Variants in ERP44 observed in about 807,000 individuals in gnomAD.
The protein encoded by ERP44 is endoplasmic reticulum protein 44.
Under a neutral mutation model 53.4 loss-of-function variants are expected in ERP44, and 25 were observed. The ratio of observed to expected loss-of-function variants is 0.47; its 90% CI spans 0.34 to 0.65. The LOEUF is 0.65. Ranked by LOEUF, ERP44 falls within the 30% of genes least tolerant of loss-of-function variation. ERP44 has a pLI of 0.01. For synonymous variants in ERP44, 145 were observed against 161.2 expected (o/e 0.90, Z 0.76); for missense variants, 338 against 493.2 (o/e 0.69, Z 2.98).
chr9:100,063,669 A>G (rs1826180173), intron 1 of ERP44, among the ~76,000 whole-genome samples: 1 of 152,132 alleles, frequency 6.6e-6, no homozygotes, highest in South Asian at 2.1e-4. Flanking sequence ...GGAAATTTTC[A>G]TAGATCTTAA....
intron 1 of ERP44, among the ~76,000 whole-genome samples, chr9:100,065,753 G>A (rs1403143406): frequency 6.6e-6 from 1 of 152,134 alleles, no homozygotes; most frequent in East Asian, 1.9e-4. Context: ...ATTCAGTCAT[G>A]AAAATAAATG....
intron 1 of ERP44, among the ~76,000 whole-genome samples, chr9:100,076,458 T>C (rs1256496779): frequency 6.6e-6 from 1 of 152,176 alleles, no homozygotes; most frequent in East Asian, 1.9e-4. Flanking sequence ...CTGCATGATA[T>C]GCAGGCACCA....
At chr9:100,094,058 C>T (rs1462781829) in intron 1 of ERP44, among the ~76,000 whole-genome samples, 1 of 152,164 alleles carries the variant, frequency 6.6e-6, no homozygotes, top group Non-Finnish European at 1.5e-5. Flanking sequence ...GATACACTAT[C>T]AAAATTACGT....
At chr9:100,030,144 T>C (rs2118669572) in intron 4 of ERP44, among the ~76,000 whole-genome samples, 1 of 152,300 alleles carries the variant, frequency 6.6e-6, no homozygotes, top group East Asian at 1.9e-4. Flanking sequence ...AACTCAGGGC[T>C]GCTCTGCCTA....
chr9:99,996,616 T>A (rs1313987698), intron 10 of ERP44, among the ~76,000 whole-genome samples: 1 of 152,142 alleles, frequency 6.6e-6, no homozygotes, highest in Non-Finnish European at 1.5e-5. Flanking sequence ...TGTGAGATTT[T>A]GGTGCACCCA....
chr9:99,996,995 A>ATG (rs756059943), intron 10 of ERP44, among the ~76,000 whole-genome samples: 2 of 132,736 alleles, frequency 1.5e-5, no homozygotes, highest in Non-Finnish European at 3.3e-5. Flanking sequence ...ATGTGTGTGT[A>ATG]TATATATATA....
rs989874420 is a variant in ERP44, at chr9:99,980,216, T to C, written c.*2396A>G. Reference sequence around the variant, plus strand: ...TACATCTATAACACGTTACAGTCATTGTTTACATATCCATATGCCTGACTA... The same window carrying C: ...TACATCTATAACACGTTACAGTCATCGTTTACATATCCATATGCCTGACTA... On this transcript the variant is annotated 3_prime_UTR_variant, in exon 12 of 12. Transcript: ENST00000262455. 1 of 396,342 alleles carries C rather than the reference T, an allele frequency of 2.5e-6. No individual in the cohort carries two copies. Among genetic ancestry groups the C allele is most frequent in the African/African-American group, 2.1e-5 (1 of 48,710 alleles). 24.6% of individuals were successfully genotyped at this position (396,342 alleles called of 1,614,324 possible).
At chr9:99,997,705 G>A (rs766201459) in intron 10 of ERP44, among the ~76,000 whole-genome samples, 2 of 151,820 alleles carry the variant, frequency 1.3e-5, no homozygotes, top group Non-Finnish European at 2.9e-5. Context: ...ATTTTCATCC[G>A]GTCAGTGGCA....
chr9:100,022,255 C>T, intron 4 of ERP44, 29 bp from the exon 5 acceptor site: 1 of 1,588,892 alleles, frequency 6.3e-7, no homozygotes, highest in Non-Finnish European at 8.6e-7. Context: ...ATTATTTACC[C>T]TCATATGTAG....
rs190910172 is a variant in ERP44 at position 100,079,685 on chromosome 9, A to C, written c.57+19099T>G. On this transcript the variant is annotated intron_variant, in intron 1 of 11. Coordinates refer to ENST00000262455, the MANE Select transcript of ERP44 (RefSeq NM_015051.3). ...AGGCCAGGAGCAGTGGCTCATGCCT[A>C]TAATCCCAGCACTGCAGAGGCAGGA... 3.3e-5 allele frequency among the ~76,000 whole-genome samples: 5 copies of C among 152,244 alleles called. No homozygotes were observed. In the East Asian group the frequency reaches 5.8e-4, roughly 18 times the overall value.
chr9:100,036,357 G>A (rs1487904549), intron 4 of ERP44, among the ~76,000 whole-genome samples: 1 of 152,214 alleles, frequency 6.6e-6, no homozygotes, highest in Non-Finnish European at 1.5e-5. Context: ...CCTGGATGCA[G>A]CTGGAGGCCA....
intron 1 of ERP44, among the ~76,000 whole-genome samples, chr9:100,098,375 G>A (rs898792180): frequency 2.6e-5 from 4 of 152,182 alleles, no homozygotes; most frequent in Non-Finnish European, 5.9e-5. Context: ...CCCAGTGAGA[G>A]TCACACAACC....
chr9:100,084,878 G>A (rs935723677), intron 1 of ERP44, among the ~76,000 whole-genome samples: 12 of 152,130 alleles, frequency 7.9e-5, no homozygotes, highest in Non-Finnish European at 1.6e-4. Context: ...GTAGAAAGGG[G>A]TATTCCCCAA....
At chr9:100,014,839 G>A (rs1830512718) in intron 8 of ERP44, among the ~76,000 whole-genome samples, 1 of 152,122 alleles carries the variant, frequency 6.6e-6, no homozygotes, top group Non-Finnish European at 1.5e-5. Context: ...CTTAGTTTGG[G>A]CTGCTATATT....
chr9:99,995,920 C>CTT lies in ERP44; in HGVS notation c.1016+10584_1016+10585dup, dbSNP rs34632626. On this transcript the variant is annotated intron_variant, in intron 10 of 11. Transcript: ENST00000262455. ...GGGATTGCTGGATCATAGGGTAGTTCTTTTTTTTTTTTTTTTTTTTTATTT... is the reference window on the plus strand; with the variant it reads ...GGGATTGCTGGATCATAGGGTAGTTCTTTTTTTTTTTTTTTTTTTTTTTATTT... Among the ~76,000 whole-genome samples the CTT allele has an allele frequency of 5.8e-4, 70 of 121,406 alleles. 2 individuals carry two copies. Among genetic ancestry groups the CTT allele is most frequent in the Admixed American group, 7.5e-4 (9 of 12,036 alleles). 79.6% of individuals were successfully genotyped at this position (121,406 alleles called of 152,430 possible).
intron 10 of ERP44, chr9:99,999,068 C>G: frequency 1.4e-6 from 1 of 726,598 alleles, no homozygotes; most frequent in East Asian, 2.7e-5. Flanking sequence ...GGATGACCGC[C>G]TGCAGGGAGC....
intron 4 of ERP44, among the ~76,000 whole-genome samples, chr9:100,026,373 G>GA (rs1192519555): frequency 6.6e-6 from 1 of 152,112 alleles, no homozygotes; most frequent in Non-Finnish European, 1.5e-5. Context: ...GACATTAAAA[G>GA]AAAAACACGA....
chr9:99,991,472 A>G (rs1453112105), intron 10 of ERP44, among the ~76,000 whole-genome samples: 2 of 152,208 alleles, frequency 1.3e-5, no homozygotes, highest in Non-Finnish European at 2.9e-5. Flanking sequence ...AGCCAATGAG[A>G]ACAAAGACAG....
At chr9:100,046,499 G>A (rs777250134) in intron 4 of ERP44, among the ~76,000 whole-genome samples, 4 of 152,064 alleles carry the variant, frequency 2.6e-5, no homozygotes, top group Non-Finnish European at 5.9e-5. Flanking sequence ...CAGAAATAAA[G>A]TTTAAAGTAT....
Sources: allele counts gnomAD v4.1 joint callset (sites outside exome capture counted in the v4.1 genomes callset), GRCh38; gene constraint gnomAD v4.1.1; transcripts MANE v1.5; gene names NCBI Gene and HGNC (gene_info 2026-07-23, HGNC 2026-07-21).